SPAG16: variants seen among roughly 807,000 people sequenced by gnomAD.
SPAG16 encodes sperm-associated antigen 16 protein.
Under a neutral mutation model 80.4 loss-of-function variants are expected in SPAG16, and 86 were observed. The ratio of observed to expected loss-of-function variants is 1.07; its 90% CI spans 0.90 to 1.28. The LOEUF (loss-of-function observed/expected upper bound fraction) is 1.28, where lower values mean the gene tolerates loss of function less well. Among genes scored for constraint, SPAG16 ranks in the 50% most tolerant of loss-of-function variants. The probability of loss-of-function intolerance (pLI) is 0.00; values close to 1 mark genes in which losing one functional copy is unlikely to be tolerated. For synonymous variants in SPAG16, 294 were observed against 265.9 expected (o/e 1.11, Z -1.03); for missense variants, 870 against 765.3 (o/e 1.14, Z -1.61).
rs117472080 is a variant in SPAG16 at position 213,991,309 on chromosome 2, A to G, written c.1401-22642A>G. Among the ~76,000 whole-genome samples, 1,365 of 152,206 alleles carry G rather than the reference A, an allele frequency of 9.0e-3. 35 individuals carry two copies. Among genetic ancestry groups the G allele is most frequent in the East Asian group, 0.084 (434 of 5,152 alleles). Reference sequence around the variant, plus strand: ...AAAATGATGGTTTCCAGCTTCATCCACATTTCTGCAAAGGGCATGAACTCA... The same window carrying G: ...AAAATGATGGTTTCCAGCTTCATCCGCATTTCTGCAAAGGGCATGAACTCA... On this transcript the variant is annotated intron_variant, in intron 12 of 15. Transcript: ENST00000331683.
At chr2:214,041,978 G>GTGTATATATATATATA (rs1410396491) in intron 13 of SPAG16, among the ~76,000 whole-genome samples, 63 of 116,360 alleles carry the variant, frequency 5.4e-4, no homozygotes, top group African/African-American at 1.8e-3. Flanking sequence ...GTCTGTGTGT[G>GTGTATATATATATATA]TATATATATA....
At chr2:213,285,489 G>T (rs1291818929) in intron 1 of SPAG16, among the ~76,000 whole-genome samples, 1 of 152,178 alleles carries the variant, frequency 6.6e-6, no homozygotes, top group East Asian at 1.9e-4. Flanking sequence ...AGTTCTTAAA[G>T]ATACCAAGGA....
chr2:213,297,085 A>G (rs1306427117), intron 2 of SPAG16, 177 bp from the exon 3 acceptor site: 3 of 1,454,982 alleles, frequency 2.1e-6, no homozygotes, highest in Non-Finnish European at 2.7e-6. Context: ...TGACATTTAC[A>G]AGGAAGTCAG....
intron 14 of SPAG16, among the ~76,000 whole-genome samples, chr2:214,136,635 T>G (rs1363122210): frequency 2.0e-5 from 3 of 152,200 alleles, no homozygotes; most frequent in Non-Finnish European, 2.9e-5. Flanking sequence ...ATCCACATCT[T>G]TCCAGTGCTC....
chr2:213,670,718 A>G (rs1378974599), intron 10 of SPAG16, among the ~76,000 whole-genome samples: 1 of 152,192 alleles, frequency 6.6e-6, no homozygotes, highest in Non-Finnish European at 1.5e-5. Flanking sequence ...ATTTCTTCAC[A>G]TTATGCATGC....
chr2:213,422,628 T>A, intron 9 of SPAG16: 1 of 306,276 alleles, frequency 3.3e-6, no homozygotes, highest in Non-Finnish European at 6.1e-6. Context: ...AGGGATCCTG[T>A]GACAGTATCA....
intron 10 of SPAG16, among the ~76,000 whole-genome samples, chr2:213,670,051 G>T (rs2063759550): frequency 6.6e-6 from 1 of 150,542 alleles, no homozygotes; most frequent in Admixed American, 6.6e-5. Context: ...AGGCTGGAAT[G>T]CAGTGGCACG....
intron 10 of SPAG16, among the ~76,000 whole-genome samples, chr2:213,532,060 T>C (rs940196196): frequency 6.6e-6 from 1 of 152,218 alleles, no homozygotes. Flanking sequence ...TCTAAAAGTA[T>C]ACCTATTTGA....
chr2:213,471,903 G>A (rs2073101146), intron 9 of SPAG16, among the ~76,000 whole-genome samples: 1 of 152,180 alleles, frequency 6.6e-6, no homozygotes, highest in African/African-American at 2.4e-5. Flanking sequence ...CACCTTAGAA[G>A]GAATGTCTTG....
intron 10 of SPAG16, among the ~76,000 whole-genome samples, chr2:213,563,954 T>G (rs1227232301): frequency 6.6e-6 from 1 of 152,200 alleles, no homozygotes; most frequent in Non-Finnish European, 1.5e-5. Flanking sequence ...CTTCTTCTTC[T>G]GCTCCCCCTA....
At chr2:214,070,108 A>ATTTTTT in intron 13 of SPAG16, among the ~76,000 whole-genome samples, 1 of 151,148 alleles carries the variant, frequency 6.6e-6, no homozygotes, top group Non-Finnish European at 1.5e-5. Context: ...TTGGTTTGAA[A>ATTTTTT]TACCTCTTTG....
intron 1 of SPAG16, among the ~76,000 whole-genome samples, chr2:213,285,098 C>G (rs1357600214): frequency 6.6e-6 from 1 of 152,144 alleles, no homozygotes; most frequent in Non-Finnish European, 1.5e-5. Flanking sequence ...CGATCCTGTT[C>G]GATGGTCCAG....
At chr2:214,223,680 A>C (rs1282317338) in intron 15 of SPAG16, among the ~76,000 whole-genome samples, 1 of 152,116 alleles carries the variant, frequency 6.6e-6, no homozygotes, top group Non-Finnish European at 1.5e-5. Flanking sequence ...ATCAATTTTA[A>C]ATTATAATTC....
intron 10 of SPAG16, among the ~76,000 whole-genome samples, chr2:213,831,693 T>C (rs1473755843): frequency 6.6e-6 from 1 of 152,154 alleles, no homozygotes; most frequent in Non-Finnish European, 1.5e-5. Context: ...CCTTATCTCC[T>C]TGAACTGTCT....
intron 15 of SPAG16, among the ~76,000 whole-genome samples, chr2:214,219,111 T>C (rs1163932063): frequency 6.6e-6 from 1 of 152,194 alleles, no homozygotes; most frequent in African/African-American, 2.4e-5. Flanking sequence ...AAATTTAAAC[T>C]TTATTGCCTT....
At chr2:214,042,433 AAACAACAACAACAAC>A (rs150244128) in intron 13 of SPAG16, among the ~76,000 whole-genome samples, 1 of 149,742 alleles carries the variant, frequency 6.7e-6, no homozygotes, top group Admixed American at 6.7e-5. Flanking sequence ...AACAAAAACA[AAACAACAACAACAAC>A]AACAACAACA....
In SPAG16 at chr2:213,472,115, C is replaced by T. The variant is rs182428251; in HGVS notation, c.943-17848C>T. On this transcript the variant is annotated intron_variant, in intron 9 of 15. Coordinates refer to ENST00000331683, the MANE Select transcript of SPAG16 (RefSeq NM_024532.5). ...TGTGACATCTTGTAGAAGTAAAAAG[C>T]GATCAAGGTGTCTCCGAAAAAGATT... Among the ~76,000 whole-genome samples, 144 of 152,186 alleles carry T rather than the reference C, an allele frequency of 9.5e-4. 1 individual carries two copies. Among genetic ancestry groups the T allele is most frequent in the African/African-American group, 2.8e-3 (118 of 41,524 alleles).
chr2:213,394,902 C>A (rs1219214481), intron 9 of SPAG16, among the ~76,000 whole-genome samples: 1 of 152,080 alleles, frequency 6.6e-6, no homozygotes, highest in East Asian at 1.9e-4. Context: ...AATTTAATTT[C>A]TTTAATGCCT....
chr2:214,191,765 C>T (rs1286145646), intron 15 of SPAG16, among the ~76,000 whole-genome samples: 2 of 139,224 alleles, frequency 1.4e-5, no homozygotes, highest in African/African-American at 5.5e-5. Flanking sequence ...ATGCTGTGAA[C>T]CAATCATAAA....
Sources: gnomAD v4.1 joint callset for allele counts (sites outside exome capture counted in the v4.1 genomes callset) on GRCh38, gnomAD v4.1.1 for gene constraint, MANE v1.5 for transcripts, NCBI Gene and HGNC (gene_info 2026-07-23, HGNC 2026-07-21) for gene names.